Variants in ALG11 observed in about 807,000 individuals in gnomAD.
ALG11 encodes the protein GDP-Man:Man(3)GlcNAc(2)-PP-Dol alpha-1,2-mannosyltransferase.
In ALG11, 26 loss-of-function variants were observed where a neutral mutation model predicts 38.8. The observed-to-expected ratio is 0.67, with a 90% CI of 0.49 to 0.93. The LOEUF is 0.93. ALG11 is among the 40% of genes least tolerant of loss of function. ALG11 has a pLI of 0.00. For missense variants in ALG11, 535 were observed against 578.8 expected, an observed-to-expected ratio of 0.92 and a Z score of 0.78; for synonymous variants, 199 against 211.6, an observed-to-expected ratio of 0.94 and a Z score of 0.52.
In ALG11 at chr13:52,027,413, C is replaced by T. The variant is rs540362666; in HGVS notation, c.1208-906C>T. ...GTACAGGATGCTCTCCAGCTTCAAG[C>T]AGAATATGATATGAGCTACTGAATT... is the stretch of plus-strand genomic sequence containing the variant. On this transcript the variant is annotated intron_variant, in intron 3 of 3. Coordinates refer to ENST00000521508, the MANE Select transcript of ALG11 (RefSeq NM_001004127.3). Among the ~76,000 whole-genome samples the T allele has an allele frequency of 8.9e-4, 136 of 152,228 alleles. 6 individuals carry two copies. The South Asian group carries it at 0.026, about 29-fold the overall frequency.
At chr13:52,014,469 A>G (rs1464712028) in intron 1 of ALG11, among the ~76,000 whole-genome samples, 1 of 152,148 alleles carries the variant, frequency 6.6e-6, no homozygotes, top group Non-Finnish European at 1.5e-5. Context: ...ACTGGTTCTC[A>G]ACCAGGGGTG....
In ALG11 at chr13:52,018,784, G is replaced by C. The variant is rs1954157346; in HGVS notation, c.45-129G>C. The C allele has an allele frequency of 1.4e-5, 11 of 781,482 alleles. No homozygotes were observed. In the South Asian group the frequency reaches 1.8e-4, roughly 13 times the overall value. The allele number at this position is 781,482 out of a possible 1,614,324, so 48.4% of individuals were successfully genotyped here. A position where few individuals can be genotyped will look rare whatever the true frequency, so the allele number is the denominator to read the frequency against. Reference sequence around the variant, plus strand: ...ATTTTCATACTTGAGTATTTTGTTAGCAGACTCGTTAAAGACAATTCTCTC... The same window carrying C: ...ATTTTCATACTTGAGTATTTTGTTACCAGACTCGTTAAAGACAATTCTCTC... On this transcript the variant is annotated intron_variant, in intron 1 of 3. Transcript: ENST00000521508.
At chr13:52,024,980 C>T (rs773147902) in intron 3 of ALG11, 43 bp downstream of exon 3, 1 of 1,561,602 alleles carries the variant, frequency 6.4e-7, no homozygotes, top group Non-Finnish European at 8.7e-7. Flanking sequence ...CCATGAGATA[C>T]ACATTTTAAG....
intron 2 of ALG11, chr13:52,021,814 C>T (rs1387833850): frequency 6.6e-6 from 1 of 152,306 alleles, no homozygotes; most frequent in Non-Finnish European, 1.5e-5. Flanking sequence ...TGAGGAGCTT[C>T]TTCATGTGAC....
chr13:52,027,296 C>T (rs1395911698), intron 3 of ALG11, among the ~76,000 whole-genome samples: 1 of 151,966 alleles, frequency 6.6e-6, no homozygotes, highest in African/African-American at 2.4e-5. Flanking sequence ...TGTTGCAGGA[C>T]CTGAGAAAGG....
chr13:52,023,983 T>C (rs766666649), intron 2 of ALG11, 23 bp from the exon 3 acceptor site: 8 of 1,610,842 alleles, frequency 5.0e-6, no homozygotes, highest in East Asian at 4.5e-5. Flanking sequence ...TAATATATTC[T>C]TAACCATTAC....
chr13:52,019,023 T>A lies in ALG11; in HGVS notation c.155T>A (p.Leu52Ter), dbSNP rs1008077897. 1 of 1,614,002 alleles carries A rather than the reference T, an allele frequency of 6.2e-7. No individual in the cohort carries two copies. The highest frequency in any genetic ancestry group is 1.7e-5 in the Admixed American group (1 of 60,002). Residue 52 changes from leucine (L) to a stop codon, truncating the protein, a stop_gained, in exon 2 of 4, where the codon TTA becomes TAA. Transcript: ENST00000521508. LOFTEE classifies it high-confidence loss of function. The part of the protein sequence containing the change: ...IRLLLQRKKK[L>*]VSTSKNGKNQ... ...CTGCTGCTACAGAGAAAGAAAAAATTAGTGTCAACTAGCAAAAATGGGAAA... is the reference window on the plus strand; with the variant it reads ...CTGCTGCTACAGAGAAAGAAAAAATAAGTGTCAACTAGCAAAAATGGGAAA...
Position 52,024,119 on chromosome 13 carries a change from T to C in ALG11, c.389T>C (p.Phe130Ser). The C allele has an allele frequency of 6.2e-7, 1 of 1,614,078 alleles. No homozygotes were observed. The highest frequency in any genetic ancestry group is 8.5e-7 in the Non-Finnish European group (1 of 1,179,978). ...ATCAGATTAATTCACCCAGTGCAGT[T>C]TGTTTTTTTAAGGAAACGCTATCTT... ...FNIRLIHPVQ[F>S]VFLRKRYLVE... The change falls in exon 3 of 4, where the codon TTT becomes TCT. Residue 130 changes from phenylalanine to serine, a missense_variant. By Grantham distance (155) the Phe-to-Ser change is radical (BLOSUM62 -2). Coordinates refer to ENST00000521508, the MANE Select transcript of ALG11 (RefSeq NM_001004127.3).
chr13:52,030,502 G>A lies in ALG11; in HGVS notation c.*1912G>A. ...ACCTACAGAACTTCCTGACCACACA[G>A]TCTCCTTCCGTGAGGTCTTTGGCAG... is the stretch of plus-strand genomic sequence containing the variant. On this transcript the variant is annotated 3_prime_UTR_variant, in exon 4 of 4. Transcript: ENST00000521508. 6.2e-7 allele frequency: 1 copy of A among 1,614,214 alleles called. No homozygotes were observed. Among genetic ancestry groups the A allele is most frequent in the Non-Finnish European group, 8.5e-7 (1 of 1,180,030 alleles).
intron 1 of ALG11, chr13:52,016,843 A>C (rs1469885956): frequency 6.6e-6 from 1 of 152,266 alleles, no homozygotes; most frequent in East Asian, 1.9e-4. Context: ...CTACTGGGGC[A>C]CTGCCTAGTG....
chr13:52,031,951 G>C lies in ALG11; in HGVS notation c.*3361G>C, dbSNP rs113988329. On this transcript the variant is annotated 3_prime_UTR_variant, in exon 4 of 4. Transcript: ENST00000521508. ...ATTACGACAGTTAAGGGCTGGGTGCGGTGTCTCACACCTGTAATCCCAGCA... is the reference window on the plus strand; with the variant it reads ...ATTACGACAGTTAAGGGCTGGGTGCCGTGTCTCACACCTGTAATCCCAGCA... 1 of 166,366 alleles carries C rather than the reference G, an allele frequency of 6.0e-6. No individual in the cohort carries two copies. Among genetic ancestry groups the C allele is most frequent in the Non-Finnish European group, 1.5e-5 (1 of 68,148 alleles). 10.3% of individuals were successfully genotyped at this position (166,366 alleles called of 1,614,324 possible).
chr13:52,018,734 A>G (rs573980361), intron 1 of ALG11, among the ~76,000 whole-genome samples, 179 bp from the exon 2 acceptor site: 3 of 152,350 alleles, frequency 2.0e-5, no homozygotes, highest in Admixed American at 6.5e-5. Context: ...TATCCTTTCA[A>G]TGTTGGATAT....
In ALG11 at chr13:52,024,392, C is replaced by T; in HGVS notation, c.662C>T (p.Ala221Val). Reference protein sequence around the residue: ...KNQNIGFNNAAFITRNPFLSK... With the variant: ...KNQNIGFNNAVFITRNPFLSK... ...CAAAATATTGGATTTAATAATGCAG[C>T]CTTCATTACCAGGAATCCTTTTCTC... The change falls in exon 3 of 4, where the codon GCC becomes GTC. Residue 221 changes from alanine to valine, a missense_variant. Physicochemically the swap from Ala to Val is moderately conservative, Grantham distance 64. Transcript: ENST00000521508. 6.2e-7 allele frequency: 1 copy of T among 1,613,550 alleles called. No homozygotes were observed. The highest frequency in any genetic ancestry group is 8.5e-7 in the Non-Finnish European group (1 of 1,179,594).
chr13:52,014,903 G>A (rs557372731), intron 1 of ALG11, among the ~76,000 whole-genome samples: 3 of 152,266 alleles, frequency 2.0e-5, no homozygotes, highest in Non-Finnish European at 4.4e-5. Flanking sequence ...GGTGTATAAA[G>A]AATATAAAGA....
intron 3 of ALG11, 151 bp from the exon 4 acceptor site, chr13:52,028,168 C>T (rs1954259766): frequency 1.3e-5 from 11 of 830,484 alleles, no homozygotes; most frequent in Non-Finnish European, 1.9e-5. Flanking sequence ...TTATCTTGTA[C>T]TGTAGAAGTT....
chr13:52,024,073 G>C lies in ALG11; in HGVS notation c.343G>C (p.Gly115Arg). The C allele has an allele frequency of 6.2e-7, 1 of 1,614,100 alleles. No homozygotes were observed. Among genetic ancestry groups the C allele is most frequent in the Non-Finnish European group, 8.5e-7 (1 of 1,180,018 alleles). ...VNVNGQQILE[G>R]AFRRFNIRLI... The stretch of plus-strand genomic sequence containing the variant: ...TGTCAACGGTCAACAGATACTAGAA[G>C]GTGCTTTCAGAAGATTTAACATCAG... The change falls in exon 3 of 4, where the codon GGT (glycine) becomes CGT (arginine). Residue 115 changes from glycine (G) to arginine (R), a missense_variant. By Grantham distance (125) the Gly-to-Arg change is moderately radical. Transcript: ENST00000521508.
chr13:52,015,778 C>T (rs1018728826), intron 1 of ALG11: 1 of 152,464 alleles, frequency 6.6e-6, no homozygotes, highest in Middle Eastern at 3.4e-3. Context: ...TATTTTTGTT[C>T]CCAGTTTCGA....
At chr13:52,016,754 G>A (rs931841105) in intron 1 of ALG11, 11 of 152,294 alleles carry the variant, frequency 7.2e-5, no homozygotes, top group African/African-American at 1.9e-4. Flanking sequence ...GTTTGCCACC[G>A]GGGCAGGGCC....
chr13:52,029,058 G>A lies in ALG11; in HGVS notation c.*468G>A. 1 of 1,614,020 alleles carries A rather than the reference G, an allele frequency of 6.2e-7. No individual in the cohort carries two copies. The highest frequency in any genetic ancestry group is 8.5e-7 in the Non-Finnish European group (1 of 1,179,996). On this transcript the variant is annotated 3_prime_UTR_variant, in exon 4 of 4. Coordinates refer to ENST00000521508, the MANE Select transcript of ALG11 (RefSeq NM_001004127.3). Reference sequence around the variant, plus strand: ...TCTGAAGGATCAGGAGAAAAGCTGGGCCTTGCAGATCTGCTTGAGCCCGTT... The same window carrying A: ...TCTGAAGGATCAGGAGAAAAGCTGGACCTTGCAGATCTGCTTGAGCCCGTT...
Sources: gnomAD v4.1 joint callset for allele counts (sites outside exome capture counted in the v4.1 genomes callset) on GRCh38, gnomAD v4.1.1 for gene constraint, MANE v1.5 for transcripts, NCBI Gene and HGNC (gene_info 2026-07-23, HGNC 2026-07-21) for gene names.